DOCK1: variants seen among roughly 807,000 people sequenced by gnomAD.
DOCK1 encodes the protein dedicator of cytokinesis protein 1.
In DOCK1, 138 loss-of-function variants were observed where a neutral mutation model predicts 262.7. The observed-to-expected ratio is 0.53, with a 90% CI of 0.46 to 0.61. The LOEUF (loss-of-function observed/expected upper bound fraction) is 0.61. Ranked by LOEUF, DOCK1 falls within the 20% of genes least tolerant of loss-of-function variation. DOCK1 has a pLI of 0.00. For synonymous variants in DOCK1, 866 were observed against 867.4 expected, an observed-to-expected ratio of 1.00 and a Z score of 0.03; for missense variants, 1,908 against 2,370.7, an observed-to-expected ratio of 0.80 and a Z score of 4.05.
chr10:127,069,616 G>A (rs1173432335), intron 23 of DOCK1, among the ~76,000 whole-genome samples: 1 of 152,114 alleles, frequency 6.6e-6, no homozygotes, highest in Non-Finnish European at 1.5e-5. Flanking sequence ...TCATTCGTGG[G>A]GACACAGATG....
At chr10:126,946,600 T>C (rs2134300280) in intron 1 of DOCK1, among the ~76,000 whole-genome samples, 1 of 152,144 alleles carries the variant, frequency 6.6e-6, no homozygotes. Context: ...CGTTAACTTC[T>C]AATCTATTAT....
chr10:127,083,716 T>C lies in DOCK1; in HGVS notation c.2445+21940T>C, dbSNP rs552735789. On this transcript the variant is annotated intron_variant, in intron 23 of 51. Coordinates refer to ENST00000623213, the MANE Select transcript of DOCK1 (RefSeq NM_001290223.2). Reference sequence around the variant, plus strand: ...TAATCTTCCCAACAAATTCCTGCGATACAGGGAAGAAAAAGAAAAACCCAT... The same window carrying C: ...TAATCTTCCCAACAAATTCCTGCGACACAGGGAAGAAAAAGAAAAACCCAT... Among the ~76,000 whole-genome samples, 223 of 152,344 alleles carry C rather than the reference T, an allele frequency of 1.5e-3. 1 individual carries two copies. The highest frequency in any genetic ancestry group is 5.0e-3 in the African/African-American group (208 of 41,588).
chr10:127,096,646 G>T (rs1592009231), intron 23 of DOCK1, among the ~76,000 whole-genome samples: 1 of 151,544 alleles, frequency 6.6e-6, no homozygotes, highest in African/African-American at 2.4e-5. Flanking sequence ...TTCTAAAATA[G>T]CATCTATTAA....
At chr10:127,013,118 A>G (rs968842381) in intron 12 of DOCK1, among the ~76,000 whole-genome samples, 1 of 152,202 alleles carries the variant, frequency 6.6e-6, no homozygotes, top group Non-Finnish European at 1.5e-5. Context: ...CCACTGTTCT[A>G]AAGGAGAATG....
At chr10:127,285,472 T>G (rs1010868446) in intron 29 of DOCK1, among the ~76,000 whole-genome samples, 1 of 152,238 alleles carries the variant, frequency 6.6e-6, no homozygotes, top group African/African-American at 2.4e-5. Context: ...TGTAGAACTT[T>G]CTGGCCTGTG....
At chr10:127,231,596 T>C (rs1430802384) in intron 27 of DOCK1, among the ~76,000 whole-genome samples, 1 of 152,098 alleles carries the variant, frequency 6.6e-6, no homozygotes, top group East Asian at 1.9e-4. Flanking sequence ...AACACATTTC[T>C]TTGGAAGAGT....
At chr10:127,356,675 C>G (rs74158670) in intron 32 of DOCK1, among the ~76,000 whole-genome samples, 2,626 of 152,196 alleles carry the variant, frequency 0.017, 64 homozygotes, top group African/African-American at 0.06. Flanking sequence ...GGGCTGTTCT[C>G]TGTTGGAACT....
At chr10:127,117,873 G>A (rs889780294) in intron 25 of DOCK1, among the ~76,000 whole-genome samples, 12 of 152,110 alleles carry the variant, frequency 7.9e-5, no homozygotes, top group African/African-American at 2.9e-4. Flanking sequence ...ACAGTAACTA[G>A]CCTGGGACAG....
chr10:127,128,999 T>C (rs2050143332), intron 27 of DOCK1, among the ~76,000 whole-genome samples: 1 of 152,226 alleles, frequency 6.6e-6, no homozygotes, highest in Non-Finnish European at 1.5e-5. Context: ...ACCCTGGTCC[T>C]TCCTGGTGCG....
intron 10 of DOCK1, among the ~76,000 whole-genome samples, chr10:127,003,894 C>A (rs2040787651): frequency 2.0e-5 from 3 of 152,036 alleles, no homozygotes; most frequent in African/African-American, 7.2e-5. Context: ...GCGGAGGTTG[C>A]AGTGAGCTAA....
At chr10:126,942,204 T>G (rs1049974668) in intron 1 of DOCK1, among the ~76,000 whole-genome samples, 3 of 152,144 alleles carry the variant, frequency 2.0e-5, no homozygotes, top group Non-Finnish European at 4.4e-5. Flanking sequence ...TTTGTACTTT[T>G]AGTAGAGACA....
At chr10:127,271,272 A>G (rs2060558519) in intron 29 of DOCK1, among the ~76,000 whole-genome samples, 2 of 152,178 alleles carry the variant, frequency 1.3e-5, no homozygotes, top group Non-Finnish European at 2.9e-5. Context: ...TGGAAGCTTC[A>G]CGAAATGCCG....
chr10:127,266,495 A>ACC (rs2060361561), intron 29 of DOCK1, among the ~76,000 whole-genome samples: 1 of 151,982 alleles, frequency 6.6e-6, no homozygotes, highest in African/African-American at 2.4e-5. Flanking sequence ...ACACACACAC[A>ACC]CACACACACA....
chr10:127,002,917 TGTC>T (rs979376587), intron 10 of DOCK1, among the ~76,000 whole-genome samples: 5 of 152,248 alleles, frequency 3.3e-5, no homozygotes, highest in Non-Finnish European at 7.3e-5. Flanking sequence ...GTTCTAGCCT[TGTC>T]GTCTTGCTCG....
chr10:127,315,823 C>G (rs1438277683), intron 29 of DOCK1, among the ~76,000 whole-genome samples: 2 of 152,096 alleles, frequency 1.3e-5, no homozygotes, highest in African/African-American at 4.8e-5. Context: ...CTCAGCCTAC[C>G]GAGTAGCTGG....
At chr10:127,050,955 C>T (rs1203821127) in intron 21 of DOCK1, among the ~76,000 whole-genome samples, 1 of 152,018 alleles carries the variant, frequency 6.6e-6, no homozygotes, top group Admixed American at 6.5e-5. Flanking sequence ...CATTTCCCTT[C>T]ATCTTTAGCA....
intron 33 of DOCK1, among the ~76,000 whole-genome samples, chr10:127,370,607 A>G (rs1285265612): frequency 1.3e-5 from 2 of 152,214 alleles, no homozygotes; most frequent in Non-Finnish European, 2.9e-5. Context: ...TACTACTGGG[A>G]TCCTTCTCTC....
intron 22 of DOCK1, among the ~76,000 whole-genome samples, chr10:127,059,751 C>T (rs1412453316): frequency 1.3e-5 from 2 of 151,832 alleles, no homozygotes; most frequent in East Asian, 3.9e-4. Context: ...TTTTGATGTT[C>T]TAGGAAATTG....
At chr10:127,334,731 A>G (rs1337178419) in intron 29 of DOCK1, among the ~76,000 whole-genome samples, 1 of 152,186 alleles carries the variant, frequency 6.6e-6, no homozygotes, top group Non-Finnish European at 1.5e-5. Context: ...GACCATTTTT[A>G]GGACAGCATT....
Sources: allele counts gnomAD v4.1 joint callset (sites outside exome capture counted in the v4.1 genomes callset), GRCh38; gene constraint gnomAD v4.1.1; transcripts MANE v1.5; gene names NCBI Gene and HGNC (gene_info 2026-07-23, HGNC 2026-07-21).